KDM5A: variants seen among roughly 807,000 people sequenced by gnomAD.
The protein encoded by KDM5A is lysine-specific demethylase 5A.
Under a neutral mutation model 193.5 loss-of-function variants are expected in KDM5A, and 42 were observed. That is an observed-to-expected ratio of 0.22 (90% CI 0.17 to 0.28). The LOEUF is 0.28. Ranked by LOEUF, KDM5A falls within the 10% of genes least tolerant of loss-of-function variation. KDM5A has a pLI of 1.00. For synonymous variants in KDM5A, 796 were observed against 718.1 expected, an observed-to-expected ratio of 1.11 and a Z score of -1.73; for missense variants, 1,692 against 2,055.1, an observed-to-expected ratio of 0.82 and a Z score of 3.42.
In KDM5A at chr12:283,717, A is replaced by G. The variant is rs913579517; in HGVS notation, c.*1739T>C. ...CTAGGTCCACCCCAATCCCCCCTTTAAAAGGAAAACTGATGAATTTAAGTC... is the reference window on the plus strand; with the variant it reads ...CTAGGTCCACCCCAATCCCCCCTTTGAAAGGAAAACTGATGAATTTAAGTC... On this transcript the variant is annotated 3_prime_UTR_variant, in exon 28 of 28. Coordinates refer to ENST00000399788, the MANE Select transcript of KDM5A (RefSeq NM_001042603.3). 1.3e-5 allele frequency: 3 copies of G among 233,090 alleles called. No homozygotes were observed. The highest frequency in any genetic ancestry group is 2.5e-5 in the Non-Finnish European group (3 of 117,912). The allele number at this position is 233,090 out of a possible 1,614,324, so 14.4% of individuals were successfully genotyped here.
chr12:345,501 C>T (rs1443629358), intron 10 of KDM5A, among the ~76,000 whole-genome samples: 6 of 152,114 alleles, frequency 3.9e-5, no homozygotes, highest in Non-Finnish European at 5.9e-5. Context: ...CTAAAATTGA[C>T]CACATAATTG....
At chr12:368,457 C>T (rs1003421271) in intron 3 of KDM5A, among the ~76,000 whole-genome samples, 17 of 152,264 alleles carry the variant, frequency 1.1e-4, no homozygotes, top group African/African-American at 3.9e-4. Flanking sequence ...CTTGGCCAGG[C>T]GTCGTGGCTC....
intron 20 of KDM5A, among the ~76,000 whole-genome samples, chr12:312,372 T>C (rs1591907747): frequency 6.6e-6 from 1 of 152,304 alleles, no homozygotes; most frequent in East Asian, 1.9e-4. Context: ...GTAGCAAGAG[T>C]ACTGTGGTGC....
intron 14 of KDM5A, among the ~76,000 whole-genome samples, chr12:324,581 C>A (rs1024039982): frequency 3.3e-5 from 5 of 152,020 alleles, no homozygotes; most frequent in Admixed American, 6.6e-5. Context: ...ATGCCAAGAA[C>A]GTAAGAGCAG....
At chr12:346,126 ATAC>A (rs1221162162) in intron 10 of KDM5A, among the ~76,000 whole-genome samples, 1 of 152,184 alleles carries the variant, frequency 6.6e-6, no homozygotes, top group African/African-American at 2.4e-5. Context: ...CCATCAGAGA[ATAC>A]TATAAACACC....
intron 3 of KDM5A, among the ~76,000 whole-genome samples, chr12:379,283 GT>G (rs1460181626): frequency 7.2e-5 from 11 of 152,114 alleles, no homozygotes; most frequent in African/African-American, 2.7e-4. Flanking sequence ...ATTTTCTGCA[GT>G]TTTCAGCCCA....
At chr12:324,638 C>T (rs1031190097) in intron 14 of KDM5A, among the ~76,000 whole-genome samples, 13 of 152,188 alleles carry the variant, frequency 8.5e-5, no homozygotes, top group African/African-American at 2.9e-4. Context: ...TTTGGGAGGC[C>T]GAGGTAGGCA....
At chr12:376,352 G>A (rs1261918066) in intron 3 of KDM5A, among the ~76,000 whole-genome samples, 1 of 152,176 alleles carries the variant, frequency 6.6e-6, no homozygotes, top group African/African-American at 2.4e-5. Context: ...AATGAGCGAG[G>A]CTCCGTGGGC....
At chr12:325,412 G>C (rs2052279) in intron 14 of KDM5A, among the ~76,000 whole-genome samples, 2 of 151,956 alleles carry the variant, frequency 1.3e-5, no homozygotes, top group African/African-American at 4.8e-5. Flanking sequence ...TCCAGGTGCC[G>C]TGGCTCACAC....
rs1175530972 is a variant in KDM5A at position 307,028 on chromosome 12, G to C, written c.3992C>G (p.Ser1331Cys). ...ATCATAGTCCATTGTTTGTCGAGGAGAAGATGACACACTGCTCACCACCCG... is the reference window on the plus strand; with the variant it reads ...ATCATAGTCCATTGTTTGTCGAGGACAAGATGACACACTGCTCACCACCCG... ...FNRVVSSVSSSPRQTMDYDDE... is the reference protein window; with the variant it reads ...FNRVVSSVSSCPRQTMDYDDE... The change falls in exon 24 of 28, where the codon TCT becomes TGT. Residue 1331 changes from serine (S) to cysteine (C), a missense_variant. Around this residue, in one of 11 missense-constraint regions of KDM5A, gnomAD observed 965 missense variants for 1,061.0 expected, o/e 0.91. Transcript: ENST00000399788. This position sits in a 1 kb window ranked among gnomAD's most constrained non-coding sequence, Gnocchi z 4.3. 2 of 1,614,062 alleles carry C rather than the reference G, an allele frequency of 1.2e-6. No homozygotes were observed. Among genetic ancestry groups the C allele is most frequent in the South Asian group, 2.2e-5 (2 of 91,082 alleles).
At chr12:297,004 T>G (rs1437196591) in intron 25 of KDM5A, 37 bp downstream of exon 25, 2 of 1,603,212 alleles carry the variant, frequency 1.2e-6, no homozygotes, top group African/African-American at 2.7e-5. Flanking sequence ...ATTGGTTTTC[T>G]GCTTATGTTC....
intron 10 of KDM5A, among the ~76,000 whole-genome samples, chr12:347,248 C>A (rs1944089959): frequency 6.6e-6 from 1 of 152,096 alleles, no homozygotes; most frequent in Admixed American, 6.5e-5. Context: ...AACCACTGCT[C>A]AACGAAATAA....
At chr12:341,996 T>C (rs1944011617) in intron 10 of KDM5A, among the ~76,000 whole-genome samples, 1 of 150,432 alleles carries the variant, frequency 6.6e-6, no homozygotes, top group Non-Finnish European at 1.5e-5. Flanking sequence ...ATAGCAATAA[T>C]TACATTAAAC....
intron 14 of KDM5A, 76 bp from the exon 15 acceptor site, chr12:323,857 T>C: frequency 8.6e-7 from 1 of 1,157,180 alleles, no homozygotes; most frequent in Non-Finnish European, 1.3e-6. Context: ...TACTACATTT[T>C]TTTCTATAGA....
chr12:295,010 T>A (rs1219811169), intron 26 of KDM5A, among the ~76,000 whole-genome samples: 1 of 152,212 alleles, frequency 6.6e-6, no homozygotes, highest in African/African-American at 2.4e-5. Context: ...TTCTACTACT[T>A]AACCATCCCT....
At chr12:287,319 T>C (rs1051068046) in intron 27 of KDM5A, among the ~76,000 whole-genome samples, 3 of 152,150 alleles carry the variant, frequency 2.0e-5, no homozygotes, top group Non-Finnish European at 4.4e-5. Context: ...GTGATTCTCA[T>C]ATATTCTAAA....
chr12:335,517 T>A (rs1445074280), intron 10 of KDM5A, among the ~76,000 whole-genome samples: 2 of 152,184 alleles, frequency 1.3e-5, no homozygotes, highest in Non-Finnish European at 2.9e-5. Context: ...ATTAAAAAGT[T>A]GATAACTGAA....
intron 3 of KDM5A, among the ~76,000 whole-genome samples, chr12:372,769 A>G (rs1243067309): frequency 6.6e-6 from 1 of 152,222 alleles, no homozygotes; most frequent in Non-Finnish European, 1.5e-5. Context: ...ACGTCCCATC[A>G]ATACCTAATT....
Position 313,077 on chromosome 12 carries a change from G to A in KDM5A, c.3015C>T (p.Thr1005=), listed in dbSNP as rs773378372. Residue 1005 remains threonine, a synonymous_variant, in exon 20 of 28, where the codon ACC becomes ACT. Transcript: ENST00000399788. ...TTACCTGAATAGCTTCCACTTTAGCGGTCCATTCTCGAGCCTTTTGTAAGG... is the reference window on the plus strand; with the variant it reads ...TTACCTGAATAGCTTCCACTTTAGCAGTCCATTCTCGAGCCTTTTGTAAGG... ...KEALQKAREW[T]AKVEAIQSGS... is the part of the protein sequence containing the mutation. 75 of 1,613,924 alleles carry A rather than the reference G, an allele frequency of 4.6e-5. No individual in the cohort carries two copies. The highest frequency in any genetic ancestry group is 8.9e-5 in the East Asian group (4 of 44,884).
Sources: gnomAD v4.1 joint callset for allele counts (sites outside exome capture counted in the v4.1 genomes callset) on GRCh38, gnomAD v4.1.1 for gene constraint, gnomAD v4.1.1 regional missense constraint, Gnocchi (gnomAD v3.1) non-coding constraint, MANE v1.5 for transcripts, NCBI Gene and HGNC (gene_info 2026-07-23, HGNC 2026-07-21) for gene names.